Variants in GABRB1 observed in about 807,000 individuals in gnomAD.
The protein encoded by GABRB1 is gamma-aminobutyric acid type A receptor subunit beta1, also known as gamma-aminobutyric acid receptor subunit beta-1.
In GABRB1, 17 loss-of-function variants were observed where a neutral mutation model predicts 51.6. The ratio of observed to expected loss-of-function variants is 0.33; its 90% CI spans 0.23 to 0.49. GABRB1 has a LOEUF of 0.49. GABRB1 is among the 20% of genes least tolerant of loss of function. The pLI is 0.99. For missense variants in GABRB1, 410 were observed against 600.6 expected (o/e 0.68, Z 3.32); for synonymous variants, 247 against 218.9 (o/e 1.13, Z -1.14).
At chr4:47,246,239 T>C (rs913942866) in intron 4 of GABRB1, among the ~76,000 whole-genome samples, 44 of 141,532 alleles carry the variant, frequency 3.1e-4, no homozygotes, top group African/African-American at 9.3e-4. Context: ...TGTGAATGGC[T>C]TTAATTCATT....
At chr4:47,323,006 T>C (rs1032750101) in intron 5 of GABRB1, among the ~76,000 whole-genome samples, 2 of 151,906 alleles carry the variant, frequency 1.3e-5, no homozygotes, top group Admixed American at 1.3e-4. Flanking sequence ...ACAATAATAA[T>C]AATAATTAGA....
chr4:47,033,633 G>A (rs992243521), intron 3 of GABRB1, among the ~76,000 whole-genome samples: 8 of 151,968 alleles, frequency 5.3e-5, no homozygotes, highest in Admixed American at 1.3e-4. Context: ...CTACTGTGTC[G>A]TTTTATTTTA....
At chr4:47,244,264 G>A (rs1457205148) in intron 4 of GABRB1, among the ~76,000 whole-genome samples, 9 of 152,184 alleles carry the variant, frequency 5.9e-5, no homozygotes, top group African/African-American at 1.2e-4. Flanking sequence ...GCTTTTTGAC[G>A]TGCTGCTGTA....
At chr4:47,116,995 G>A (rs1425589361) in intron 3 of GABRB1, among the ~76,000 whole-genome samples, 2 of 152,074 alleles carry the variant, frequency 1.3e-5, no homozygotes, top group East Asian at 3.9e-4. Context: ...GCAGCAAGCG[G>A]GGAAGTCCAC....
chr4:47,307,637 T>G (rs1232265817), intron 4 of GABRB1, among the ~76,000 whole-genome samples: 1 of 152,002 alleles, frequency 6.6e-6, no homozygotes, highest in Non-Finnish European at 1.5e-5. Context: ...CAACACAAAT[T>G]TATTCATCTA....
At chr4:47,123,746 A>G (rs1296014242) in intron 3 of GABRB1, among the ~76,000 whole-genome samples, 1 of 87,406 alleles carries the variant, frequency 1.1e-5, no homozygotes, top group Non-Finnish European at 2.0e-5. Context: ...ATTATTATAT[A>G]TATAATATAT....
At chr4:47,183,899 C>T (rs1055843916) in intron 4 of GABRB1, among the ~76,000 whole-genome samples, 2 of 152,004 alleles carry the variant, frequency 1.3e-5, no homozygotes, top group South Asian at 2.1e-4. Flanking sequence ...AAAGTCCATA[C>T]TTGGACTACT....
At chr4:47,210,909 T>C (rs1353124410) in intron 4 of GABRB1, among the ~76,000 whole-genome samples, 1 of 152,266 alleles carries the variant, frequency 6.6e-6, no homozygotes, top group East Asian at 1.9e-4. Context: ...AGATGACTTC[T>C]GGGAGGAGGT....
intron 4 of GABRB1, among the ~76,000 whole-genome samples, chr4:47,259,151 T>C (rs186273762): frequency 1.1e-4 from 16 of 152,166 alleles, no homozygotes; most frequent in Admixed American, 5.9e-4. Context: ...AGAGCCCCAT[T>C]TAACAATCCC....
At chr4:47,185,619 C>G (rs1011326353) in intron 4 of GABRB1, among the ~76,000 whole-genome samples, 1 of 151,828 alleles carries the variant, frequency 6.6e-6, no homozygotes, top group Non-Finnish European at 1.5e-5. Flanking sequence ...CAAAACTATA[C>G]TTGAACTCTA....
intron 3 of GABRB1, among the ~76,000 whole-genome samples, chr4:47,039,991 A>T (rs892236217): frequency 2.0e-5 from 3 of 152,218 alleles, no homozygotes; most frequent in Non-Finnish European, 4.4e-5. Flanking sequence ...AATGAGTAAT[A>T]GTTATTCATC....
intron 5 of GABRB1, among the ~76,000 whole-genome samples, chr4:47,372,108 T>A (rs2110019948): frequency 6.6e-6 from 1 of 152,352 alleles, no homozygotes; most frequent in South Asian, 2.1e-4. Context: ...TGAGTTCATT[T>A]TTGCATAAGG....
chr4:47,154,081 G>C (rs28572166), intron 3 of GABRB1, among the ~76,000 whole-genome samples: 25,474 of 151,930 alleles, frequency 0.17, 3,079 homozygotes, highest in East Asian at 0.34. Flanking sequence ...AGGATACAGT[G>C]ATGAATTTCT....
chr4:47,103,808 C>A (rs1449072729), intron 3 of GABRB1, among the ~76,000 whole-genome samples: 1 of 151,730 alleles, frequency 6.6e-6, no homozygotes, highest in Non-Finnish European at 1.5e-5. Context: ...ATAAGCCAGG[C>A]AAAATTCTGA....
intron 3 of GABRB1, among the ~76,000 whole-genome samples, chr4:47,095,128 G>A (rs1714343258): frequency 1.3e-5 from 2 of 152,016 alleles, no homozygotes; most frequent in African/African-American, 4.8e-5. Flanking sequence ...AATGTAGTAA[G>A]ACATAGGACA....
chr4:47,371,360 C>T, intron 5 of GABRB1, among the ~76,000 whole-genome samples: 1 of 152,110 alleles, frequency 6.6e-6, no homozygotes. Context: ...GCATTGATTC[C>T]ATGTCTTTGC....
intron 2 of GABRB1, 101 bp from the exon 3 acceptor site, chr4:47,032,316 A>C: frequency 9.2e-7 from 1 of 1,086,504 alleles, no homozygotes; most frequent in East Asian, 2.4e-5. Flanking sequence ...GCAGGGAGGG[A>C]GCCCGTTAAG....
chr4:47,166,020 T>C (rs964624581), intron 4 of GABRB1, among the ~76,000 whole-genome samples: 2 of 152,088 alleles, frequency 1.3e-5, no homozygotes, highest in South Asian at 2.1e-4. Flanking sequence ...ATCCTCACTA[T>C]CTGTCACTTC....
chr4:47,387,633 G>T (rs1025701029), intron 5 of GABRB1, among the ~76,000 whole-genome samples: 2 of 152,186 alleles, frequency 1.3e-5, no homozygotes, highest in African/African-American at 2.4e-5. Flanking sequence ...ATTTGAACTT[G>T]TGCTGCTTTA....
Sources: allele counts gnomAD v4.1 joint callset (sites outside exome capture counted in the v4.1 genomes callset), GRCh38; gene constraint gnomAD v4.1.1; transcripts MANE v1.5; gene names NCBI Gene and HGNC (gene_info 2026-07-23, HGNC 2026-07-21).